CA10: variants seen among roughly 807,000 people sequenced by gnomAD.
CA10 encodes carbonic anhydrase 10 (inactive).
CA10 carries 14 observed loss-of-function variants against 44.2 expected under a neutral mutation model. That is an observed-to-expected ratio of 0.32 (90% confidence interval 0.21 to 0.50). The LOEUF (loss-of-function observed/expected upper bound fraction) is 0.50. Among genes scored for constraint, CA10 ranks in the 20% least tolerant of loss-of-function variants. The pLI, the probability that CA10 is intolerant of heterozygous loss-of-function variation, is 0.99. For synonymous variants in CA10, 159 were observed against 141.6 expected (o/e 1.12, Z -0.87); for missense variants, 350 against 409.7 (o/e 0.85, Z 1.26).
At chr17:51,899,024 T>C (rs984161172) in intron 3 of CA10, among the ~76,000 whole-genome samples, 1 of 152,092 alleles carries the variant, frequency 6.6e-6, no homozygotes, top group Non-Finnish European at 1.5e-5. Context: ...TTGTATGGTT[T>C]TCCCATCTTA....
intron 1 of CA10, among the ~76,000 whole-genome samples, chr17:52,102,675 T>G (rs142949938): frequency 1.3e-5 from 2 of 152,294 alleles, no homozygotes; most frequent in African/African-American, 4.8e-5. Context: ...GCCTCCCTCT[T>G]GGGCTTCTTC....
chr17:51,758,043 T>C (rs1395864940), intron 3 of CA10, among the ~76,000 whole-genome samples: 1 of 152,104 alleles, frequency 6.6e-6, no homozygotes. Context: ...GATGTACTTC[T>C]GAGATCTCAC....
chr17:51,811,307 T>C (rs1339737272), intron 3 of CA10, among the ~76,000 whole-genome samples: 2 of 152,172 alleles, frequency 1.3e-5, no homozygotes, highest in African/African-American at 4.8e-5. Context: ...TTTTTTATTA[T>C]ACTTTAAGTT....
At chr17:52,134,508 C>T (rs1349160527) in intron 1 of CA10, among the ~76,000 whole-genome samples, 11 of 152,006 alleles carry the variant, frequency 7.2e-5, no homozygotes, top group African/African-American at 2.2e-4. Flanking sequence ...CACATGATTT[C>T]GGTAAGAATT....
At chr17:51,900,754 AAGCAGTGTTCG>A (rs1159990391) in intron 3 of CA10, among the ~76,000 whole-genome samples, 1 of 152,096 alleles carries the variant, frequency 6.6e-6, no homozygotes, top group African/African-American at 2.4e-5. Flanking sequence ...TATTTTGGAA[AAGCAGTGTTCG>A]AGCTCTGCAA....
At chr17:51,937,036 A>T (rs1410705785) in intron 2 of CA10, among the ~76,000 whole-genome samples, 2 of 152,164 alleles carry the variant, frequency 1.3e-5, no homozygotes, top group African/African-American at 4.8e-5. Context: ...TTTCATGAAG[A>T]CACTCAGCTA....
intron 3 of CA10, among the ~76,000 whole-genome samples, chr17:51,849,239 A>G (rs1276703131): frequency 1.6e-4 from 19 of 120,702 alleles, no homozygotes; most frequent in African/African-American, 5.1e-4. Context: ...GTGTGTATAT[A>G]TATATATATA....
intron 3 of CA10, among the ~76,000 whole-genome samples, chr17:51,923,285 A>T (rs1598119804): frequency 6.6e-6 from 1 of 152,162 alleles, no homozygotes; most frequent in South Asian, 2.1e-4. Context: ...CATATAGAGT[A>T]AGATCATCTG....
chr17:51,646,177 T>A (rs1050566766), intron 6 of CA10, among the ~76,000 whole-genome samples: 1 of 152,212 alleles, frequency 6.6e-6, no homozygotes, highest in African/African-American at 2.4e-5. Flanking sequence ...TAAATGTGTG[T>A]CATTGGTCAA....
At chr17:51,765,734 T>TGTGTGC (rs917361033) in intron 3 of CA10, among the ~76,000 whole-genome samples, 3 of 150,596 alleles carry the variant, frequency 2.0e-5, no homozygotes, top group East Asian at 1.9e-4. Context: ...TATGTGTGTG[T>TGTGTGC]GCATGCATGT....
intron 3 of CA10, among the ~76,000 whole-genome samples, chr17:51,868,888 TTTG>T (rs770280585): frequency 2.2e-5 from 3 of 134,274 alleles, no homozygotes; most frequent in African/African-American, 9.0e-5. Flanking sequence ...CAAAAGTTTT[TTTG>T]TTTTTTTTTT....
chr17:51,974,525 A>G (rs1020022938), intron 2 of CA10, among the ~76,000 whole-genome samples: 1 of 152,086 alleles, frequency 6.6e-6, no homozygotes, highest in Non-Finnish European at 1.5e-5. Flanking sequence ...GTAACAAAAA[A>G]AAAGAAAGAA....
chr17:51,846,356 A>AC (rs1978492411), intron 3 of CA10, among the ~76,000 whole-genome samples: 1 of 152,214 alleles, frequency 6.6e-6, no homozygotes, highest in Non-Finnish European at 1.5e-5. Context: ...CCCTTGGGTG[A>AC]ATAGACAAGC....
chr17:51,950,479 C>G (rs970558351), intron 2 of CA10, among the ~76,000 whole-genome samples: 3 of 152,098 alleles, frequency 2.0e-5, no homozygotes, highest in Non-Finnish European at 4.4e-5. Context: ...GACGTTTATT[C>G]CATCAGCAAC....
intron 3 of CA10, among the ~76,000 whole-genome samples, chr17:51,859,472 T>G (rs1979204975): frequency 6.6e-6 from 1 of 152,166 alleles, no homozygotes; most frequent in African/African-American, 2.4e-5. Context: ...CTGCCAATAA[T>G]ATACTTTTGG....
At chr17:51,855,081 G>A (rs1433266676) in intron 3 of CA10, among the ~76,000 whole-genome samples, 1 of 152,058 alleles carries the variant, frequency 6.6e-6, no homozygotes, top group Non-Finnish European at 1.5e-5. Context: ...CACCAGTTTT[G>A]GATTTAAATC....
intron 2 of CA10, among the ~76,000 whole-genome samples, chr17:52,045,747 C>T (rs899180181): frequency 6.6e-5 from 10 of 151,832 alleles, no homozygotes; most frequent in African/African-American, 2.4e-4. Context: ...CACTTTCAAC[C>T]AATGGAACCT....
chr17:52,009,616 T>C (rs924749219), intron 2 of CA10, among the ~76,000 whole-genome samples: 1 of 152,054 alleles, frequency 6.6e-6, no homozygotes, highest in African/African-American at 2.4e-5. Context: ...CAAAGGTCAA[T>C]TATAATTTGT....
chr17:51,862,040 C>T (rs933500483), intron 3 of CA10, among the ~76,000 whole-genome samples: 1 of 152,202 alleles, frequency 6.6e-6, no homozygotes, highest in Admixed American at 6.5e-5. Flanking sequence ...CCTTAATTCT[C>T]TTACAGATAG....
Sources: gnomAD v4.1 joint callset for allele counts (sites outside exome capture counted in the v4.1 genomes callset) on GRCh38, gnomAD v4.1.1 for gene constraint, MANE v1.5 for transcripts, NCBI Gene and HGNC (gene_info 2026-07-23, HGNC 2026-07-21) for gene names.